HEATR1: variants seen among roughly 807,000 people sequenced by gnomAD.
HEATR1 encodes the protein HEAT repeat-containing protein 1.
A neutral mutation model predicts 248.2 loss-of-function variants in HEATR1; 77 were observed. The observed-to-expected ratio is 0.31, with a 90% CI of 0.26 to 0.37. The LOEUF is 0.37. Ranked by LOEUF, HEATR1 falls within the 10% of genes least tolerant of loss-of-function variation. HEATR1 has a pLI of 1.00. For missense variants in HEATR1, 2,420 were observed against 2,504.9 expected (o/e 0.97, Z 0.72); for synonymous variants, 897 against 923.1 (o/e 0.97, Z 0.51).
chr1:236,559,173 C>G (rs1446679973), intron 34 of HEATR1, 38 bp from the exon 35 acceptor site: 2 of 1,494,782 alleles, frequency 1.3e-6, no homozygotes, highest in Admixed American at 2.4e-5. Flanking sequence ...AAAAGAAAAA[C>G]AAATTAAAAA....
At chr1:236,592,493 G>T in intron 10 of HEATR1, 30 bp downstream of exon 10, 1 of 873,958 alleles carries the variant, frequency 1.1e-6, no homozygotes, top group African/African-American at 1.6e-5. Context: ...AAGTACTTTA[G>T]AAGAGCATAA....
Position 236,582,866 on chromosome 1 carries a change from A to G in HEATR1, c.2432T>C (p.Ile811Thr), listed in dbSNP as rs751470101. The change falls in exon 19 of 45, where the codon ATA becomes ACA. Residue 811 changes from isoleucine (I) to threonine (T), a missense_variant. Physicochemically the swap from Ile to Thr is moderately conservative, Grantham distance 89. Transcript: ENST00000366582. ...KAPKSFPKGD[I>T]WWNPEQLKED... is the part of the protein sequence containing the mutation. ...TTTCAGTTGTTCAGGATTCCACCAT[A>G]TATCACCTACAAGGACATGGAAAGA... 22 of 1,614,080 alleles carry G rather than the reference A, an allele frequency of 1.4e-5. No homozygotes were observed. The highest frequency in any genetic ancestry group is 2.2e-5 in the East Asian group (1 of 44,870).
At chr1:236,566,567 C>T (rs2758172) in intron 30 of HEATR1, 79 bp downstream of exon 30, 621,179 of 1,008,766 alleles carry the variant, frequency 0.62, 197,779 homozygotes, top group Non-Finnish European at 0.67. Context: ...ATCATCAGCC[C>T]CATGTTTAAA....
intron 36 of HEATR1, among the ~76,000 whole-genome samples, chr1:236,557,732 A>C (rs909017008): frequency 2.0e-5 from 3 of 152,246 alleles, no homozygotes; most frequent in Admixed American, 1.3e-4. Flanking sequence ...TACCACAGCC[A>C]GGAGCTTCTA....
At chr1:236,596,731 A>T in intron 6 of HEATR1, 105 bp downstream of exon 6, 1 of 1,128,686 alleles carries the variant, frequency 8.9e-7, no homozygotes, top group Non-Finnish European at 1.3e-6. Flanking sequence ...CTATCATCTG[A>T]AATAAACTGT....
intron 26 of HEATR1, 143 bp downstream of exon 26, chr1:236,572,267 CA>C: frequency 1.0e-6 from 1 of 992,036 alleles, no homozygotes; most frequent in East Asian, 2.5e-5. Context: ...TACCTAAAAC[CA>C]ATCTTTTAAT....
chr1:236,557,061 A>C, intron 37 of HEATR1, 134 bp downstream of exon 37: 1 of 873,210 alleles, frequency 1.1e-6, no homozygotes, highest in Non-Finnish European at 1.7e-6. Context: ...AAAAGCAAGC[A>C]CATCTCTTCA....
chr1:236,598,712 G>C (rs1558193436), intron 4 of HEATR1, among the ~76,000 whole-genome samples: 1 of 152,030 alleles, frequency 6.6e-6, no homozygotes, highest in Admixed American at 6.6e-5. Context: ...TACTAATTCT[G>C]AACACTGACC....
chr1:236,572,036 A>C (rs189979708), intron 26 of HEATR1, among the ~76,000 whole-genome samples: 12 of 152,326 alleles, frequency 7.9e-5, no homozygotes, highest in Non-Finnish European at 1.8e-4. Flanking sequence ...ATCTACGTAT[A>C]TAGAATATAT....
rs1662600579 is a variant in HEATR1, at chr1:236,549,275, C to T, written c.*1627G>A. On this transcript the variant is annotated 3_prime_UTR_variant, in exon 45 of 45. Coordinates refer to ENST00000366582, the MANE Select transcript of HEATR1 (RefSeq NM_018072.6). ...ACCTGTATCAGCAAGTTAAATGGTT[C>T]CATTTCTGTGATTTTTCTATTATTT... The T allele has an allele frequency of 6.8e-6, 2 of 295,824 alleles. No homozygotes were observed. Among genetic ancestry groups the T allele is most frequent in the African/African-American group, 2.2e-5 (1 of 46,470 alleles). 18.3% of individuals were successfully genotyped at this position (295,824 alleles called of 1,614,324 possible). A position where few individuals can be genotyped will look rare whatever the true frequency, so the allele number is the denominator to read the frequency against.
chr1:236,583,439 A>G (rs1278378212), intron 17 of HEATR1, among the ~76,000 whole-genome samples: 1 of 151,602 alleles, frequency 6.6e-6, no homozygotes, highest in African/African-American at 2.4e-5. Flanking sequence ...CTTTATTCAT[A>G]TGAACTGTTT....
At chr1:236,563,207 G>A (rs189811117) in intron 32 of HEATR1, among the ~76,000 whole-genome samples, 2 of 152,296 alleles carry the variant, frequency 1.3e-5, no homozygotes, top group East Asian at 3.9e-4. Flanking sequence ...ACAAGCTTCA[G>A]ATTGTCACCT....
At position 236,558,979 on chromosome 1, in the gene HEATR1, C is replaced by CTT; in HGVS notation, c.4911+15_4911+16insAA. The CTT allele has an allele frequency of 6.3e-7, 1 of 1,589,490 alleles. No individual in the cohort carries two copies. Among genetic ancestry groups the CTT allele is most frequent in the South Asian group, 1.2e-5 (1 of 86,258 alleles). ...GCAAAGTACAGTAAATGGGTGTGTCCTGGGTCTTCACTCACTATTGTCTTC... is the reference window on the plus strand; with the variant it reads ...GCAAAGTACAGTAAATGGGTGTGTCCTTTGGGTCTTCACTCACTATTGTCTTC... On this transcript the variant is annotated intron_variant, in intron 35 of 44. Coordinates refer to ENST00000366582, the MANE Select transcript of HEATR1 (RefSeq NM_018072.6).
chr1:236,557,162 C>T (rs780250569), intron 37 of HEATR1, 33 bp downstream of exon 37: 2 of 1,604,660 alleles, frequency 1.2e-6, no homozygotes, highest in Non-Finnish European at 1.7e-6. Context: ...CCCCAGCCAC[C>T]CTGCGTAGCA....
At chr1:236,580,846 A>G in intron 20 of HEATR1, among the ~76,000 whole-genome samples, 1 of 70,490 alleles carries the variant, frequency 1.4e-5, no homozygotes, top group African/African-American at 7.6e-5. Flanking sequence ...TTTGAGATGG[A>G]GTCTCGCTGT....
At position 236,588,127 on chromosome 1, in the gene HEATR1, G is replaced by GA. The variant is rs1414139695; in HGVS notation, c.1531-85dup. On this transcript the variant is annotated intron_variant, in intron 12 of 44. Transcript: ENST00000366582. ...CACTAGAAAGGAAGTATGGTTTTGT[G>GA]AAAAACACTCCAGAATGACAGTCTA... 3.1e-6 allele frequency: 3 copies of GA among 964,530 alleles called. No individual in the cohort carries two copies. In the African/African-American group the frequency reaches 5.0e-5, roughly 16 times the overall value. The allele number at this position is 964,530 out of a possible 1,614,324, so 59.7% of individuals were successfully genotyped here. A position where few individuals can be genotyped will look rare whatever the true frequency, so the allele number is the denominator to read the frequency against.
Position 236,588,152 on chromosome 1 carries a change from A to C in HEATR1, c.1531-109T>G, listed in dbSNP as rs558403560. On this transcript the variant is annotated intron_variant, in intron 12 of 44. Transcript: ENST00000366582. ...GAAAAACACTCCAGAATGACAGTCT[A>C]ACACAGGCTCTGCTCTGGATGAGGA... The C allele has an allele frequency of 1.2e-5, 9 of 722,094 alleles. No homozygotes were observed. The East Asian group carries it at 2.5e-4, about 20-fold the overall frequency. The allele number at this position is 722,094 out of a possible 1,614,324, so 44.7% of individuals were successfully genotyped here.
At chr1:236,561,434 G>A (rs1663130862) in intron 32 of HEATR1, among the ~76,000 whole-genome samples, 163 bp from the exon 33 acceptor site, 1 of 152,180 alleles carries the variant, frequency 6.6e-6, no homozygotes, top group Non-Finnish European at 1.5e-5. Flanking sequence ...TTATACTGTA[G>A]TAACTCTATT....
chr1:236,589,905 G>C (rs1425501577), intron 12 of HEATR1, among the ~76,000 whole-genome samples: 2 of 152,128 alleles, frequency 1.3e-5, no homozygotes, highest in African/African-American at 4.8e-5. Flanking sequence ...CTGAAATAAA[G>C]AAAAATTGTG....
Sources: allele counts gnomAD v4.1 joint callset (sites outside exome capture counted in the v4.1 genomes callset), GRCh38; gene constraint gnomAD v4.1.1; transcripts MANE v1.5; gene names NCBI Gene and HGNC (gene_info 2026-07-23, HGNC 2026-07-21).